CD8B2: variants seen among roughly 807,000 people sequenced by gnomAD.
CD8B2 encodes CD8B family member 2.
In CD8B2, 11 loss-of-function variants were observed where a neutral mutation model predicts 23.7. The observed-to-expected ratio is 0.46, with a 90% CI of 0.29 to 0.77. The LOEUF is 0.77. Among genes scored for constraint, CD8B2 ranks in the 30% least tolerant of loss-of-function variants. The pLI is 0.09. For synonymous variants in CD8B2, 90 were observed against 109.3 expected (o/e 0.82, Z 1.10); for missense variants, 197 against 270.5 (o/e 0.73, Z 1.91).
At chr2:106,536,610 A>G (rs923450294) in intron 5 of CD8B2, among the ~76,000 whole-genome samples, 1 of 152,242 alleles carries the variant, frequency 6.6e-6, no homozygotes, top group Non-Finnish European at 1.5e-5. Context: ...GCTTTGCTGT[A>G]GAGAACAATG....
chr2:106,513,872 C>T (rs1354918443), downstream of CD8B2, among the ~76,000 whole-genome samples: 2 of 152,194 alleles, frequency 1.3e-5, no homozygotes, highest in African/African-American at 2.4e-5. Flanking sequence ...GTCCCCGCCT[C>T]TATCTGAGTA....
chr2:106,527,853 G>T (rs544913021), intron 5 of CD8B2, among the ~76,000 whole-genome samples: 1 of 152,044 alleles, frequency 6.6e-6, no homozygotes, highest in Non-Finnish European at 1.5e-5. Flanking sequence ...ACCCAGCCTC[G>T]CAGGGAGGAG....
At chr2:106,514,759 T>C (rs1376707431), downstream of CD8B2, among the ~76,000 whole-genome samples, 1 of 150,738 alleles carries the variant, frequency 6.6e-6, no homozygotes, top group Non-Finnish European at 1.5e-5. Context: ...CTTTTGTGTG[T>C]GTGTGTGTGT....
intron 2 of CD8B2, among the ~76,000 whole-genome samples, chr2:106,495,560 AT>A (rs1420603577): frequency 6.6e-6 from 1 of 152,180 alleles, no homozygotes; most frequent in Non-Finnish European, 1.5e-5. Context: ...AAATAAAAAA[AT>A]AAAAATAAAT....
chr2:106,495,656 G>A (rs1165453737), intron 2 of CD8B2, among the ~76,000 whole-genome samples: 5 of 152,152 alleles, frequency 3.3e-5, no homozygotes, highest in Non-Finnish European at 5.9e-5. Flanking sequence ...CCCATCCCTA[G>A]GCCCTCACCC....
At position 106,535,662 on chromosome 2, in the gene CD8B2, T is replaced by C. The variant is rs567550288; in HGVS notation, c.621-8330T>C. ...CCAGTTGCATAAAGCCCTTCTACTT[T>C]TCTCTACTCAACAGGGGAGCTGGAC... On this transcript the variant is annotated intron_variant, in intron 5 of 5. Transcript: ENST00000416057. 2.4e-4 allele frequency among the ~76,000 whole-genome samples: 36 copies of C among 152,328 alleles called. No homozygotes were observed. In the South Asian group the frequency reaches 7.3e-3, roughly 31 times the overall value.
intron 4 of CD8B2, among the ~76,000 whole-genome samples, chr2:106,502,892 C>A (rs552977961): frequency 3.6e-4 from 55 of 151,804 alleles, no homozygotes; most frequent in Non-Finnish European, 6.8e-4. Context: ...AATTCCTACC[C>A]CAAATGCCTG....
At chr2:106,533,623 G>A (rs2104574572) in intron 5 of CD8B2, among the ~76,000 whole-genome samples, 1 of 152,288 alleles carries the variant, frequency 6.6e-6, no homozygotes, top group Non-Finnish European at 1.5e-5. Context: ...GCCTGGAGAA[G>A]CAAGGAACAG....
Position 106,519,012 on chromosome 2 carries a change from A to C in CD8B2, c.620+14687A>C, listed in dbSNP as rs1048880278. ...TGCTCCATCCTCCCTTCATCCTTTC[A>C]ACCATTCCATCAATCCCTCCATCCA... is the stretch of plus-strand genomic sequence containing the variant. On this transcript the variant is annotated intron_variant, in intron 5 of 5. Coordinates refer to the CD8B2 transcript ENST00000416057. 2.0e-5 allele frequency among the ~76,000 whole-genome samples: 3 copies of C among 150,520 alleles called. 1 individual carries two copies.
intron 1 of CD8B2, among the ~76,000 whole-genome samples, chr2:106,489,543 T>G (rs1480291892): frequency 6.6e-6 from 1 of 152,170 alleles, no homozygotes; most frequent in Non-Finnish European, 1.5e-5. Context: ...GCCTCCCAAC[T>G]CCTGCGTCTC....
chr2:106,509,773 G>A lies in CD8B2; in HGVS notation c.*2833G>A, dbSNP rs1198525302. 2.0e-5 allele frequency: 3 copies of A among 152,204 alleles called. No homozygotes were observed. The highest frequency in any genetic ancestry group is 4.4e-5 in the Non-Finnish European group (3 of 68,040). 9.4% of individuals were successfully genotyped at this position (152,204 alleles called of 1,614,324 possible). A position where few individuals can be genotyped will look rare whatever the true frequency, so the allele number is the denominator to read the frequency against. On this transcript the variant is annotated 3_prime_UTR_variant, in exon 6 of 6. Coordinates refer to ENST00000643224, the MANE Select transcript of CD8B2 (RefSeq NM_001349727.2). ...CTACTACACTCTATAGGGCCATTAT[G>A]ATGAAATATGCCCCCCAAACTCCAT...
intron 5 of CD8B2, among the ~76,000 whole-genome samples, chr2:106,531,344 G>GCTTTTC (rs769889394): frequency 2.6e-5 from 4 of 152,196 alleles, no homozygotes; most frequent in Non-Finnish European, 5.9e-5. Context: ...TACACCACTT[G>GCTTTTC]CTTTTCCTTT....
intron 5 of CD8B2, among the ~76,000 whole-genome samples, chr2:106,535,613 C>T (rs374811361): frequency 6.6e-6 from 1 of 152,104 alleles, no homozygotes; most frequent in South Asian, 2.1e-4. Context: ...TTCCTTTGTT[C>T]CCACGCTTGG....
At chr2:106,537,262 T>C (rs1680104339) in intron 5 of CD8B2, among the ~76,000 whole-genome samples, 1 of 152,144 alleles carries the variant, frequency 6.6e-6, no homozygotes, top group South Asian at 2.1e-4. Context: ...TAATAAACCA[T>C]GGGCTCATCA....
intron 5 of CD8B2, among the ~76,000 whole-genome samples, chr2:106,533,420 T>C (rs1680020449): frequency 6.6e-6 from 1 of 152,212 alleles, no homozygotes; most frequent in Non-Finnish European, 1.5e-5. Context: ...CACAGTTGTG[T>C]GCAGTCCCTT....
At chr2:106,511,500 C>CGG (rs1679630419), downstream of CD8B2, among the ~76,000 whole-genome samples, 1 of 150,682 alleles carries the variant, frequency 6.6e-6, no homozygotes, top group South Asian at 2.1e-4. Flanking sequence ...GAGCCCACCC[C>CGG]GGCCTGTTCA....
chr2:106,507,751 T>G lies in CD8B2; in HGVS notation c.*811T>G, dbSNP rs1248123829. 1.1e-5 allele frequency: 6 copies of G among 566,558 alleles called. No individual in the cohort carries two copies. In the East Asian group the frequency reaches 4.3e-4, roughly 41 times the overall value. 35.1% of individuals were successfully genotyped at this position (566,558 alleles called of 1,614,324 possible). A position where few individuals can be genotyped will look rare whatever the true frequency, so the allele number is the denominator to read the frequency against. On this transcript the variant is annotated 3_prime_UTR_variant, in exon 6 of 6. Transcript: ENST00000643224. ...GAACAGAAACCAGAAGGAGAAAATT[T>G]GTACATCCTCCTTTTGCACCTGAGA...
intron 5 of CD8B2, 21 bp downstream of exon 5, chr2:106,504,346 T>C: frequency 6.4e-7 from 1 of 1,555,650 alleles, no homozygotes; most frequent in South Asian, 1.2e-5. Context: ...AACCTGGGTG[T>C]GGCCTTGGGT....
At chr2:106,529,341 A>G (rs1344716651) in intron 5 of CD8B2, among the ~76,000 whole-genome samples, 1 of 152,126 alleles carries the variant, frequency 6.6e-6, no homozygotes, top group Non-Finnish European at 1.5e-5. Context: ...TAGAAGATGG[A>G]GCATTGGTTG....
Sources: gnomAD v4.1 joint callset for allele counts (sites outside exome capture counted in the v4.1 genomes callset) on GRCh38, gnomAD v4.1.1 for gene constraint, MANE v1.5 for transcripts, NCBI Gene and HGNC (gene_info 2026-07-23, HGNC 2026-07-21) for gene names.